GABRA4: variants seen among roughly 807,000 people sequenced by gnomAD.
The protein encoded by GABRA4 is gamma-aminobutyric acid receptor subunit alpha-4.
A neutral mutation model predicts 49.7 loss-of-function variants in GABRA4; 12 were observed. The observed-to-expected ratio is 0.24, with a 90% CI of 0.15 to 0.39. The LOEUF is 0.39. Ranked by LOEUF, GABRA4 falls within the 10% of genes least tolerant of loss-of-function variation. The probability of loss-of-function intolerance (pLI) is 1.00; values close to 1 mark genes in which losing one functional copy is unlikely to be tolerated. For missense variants in GABRA4, 506 were observed against 686.0 expected (o/e 0.74, Z 2.93); for synonymous variants, 288 against 240.2 (o/e 1.20, Z -1.84).
At chr4:46,942,502 G>A (rs1721838868) in intron 8 of GABRA4, among the ~76,000 whole-genome samples, 1 of 151,928 alleles carries the variant, frequency 6.6e-6, no homozygotes, top group Non-Finnish European at 1.5e-5. Flanking sequence ...GTGCACACCT[G>A]TAATCCCAGC....
chr4:46,931,739 A>AC (rs1721443251), intron 8 of GABRA4, among the ~76,000 whole-genome samples: 1 of 152,156 alleles, frequency 6.6e-6, no homozygotes, highest in South Asian at 2.1e-4. Flanking sequence ...TTCTGGAAAC[A>AC]CTGACACCAC....
At chr4:46,939,272 T>C (rs1384211093) in intron 8 of GABRA4, among the ~76,000 whole-genome samples, 1 of 152,066 alleles carries the variant, frequency 6.6e-6, no homozygotes, top group African/African-American at 2.4e-5. Context: ...AATTTTATAA[T>C]GCATTCTATT....
chr4:46,934,718 C>T (rs910048171), intron 8 of GABRA4, among the ~76,000 whole-genome samples: 3 of 152,132 alleles, frequency 2.0e-5, no homozygotes, highest in African/African-American at 4.8e-5. Context: ...ATTAGAATTT[C>T]TTTAAGATAG....
At chr4:46,976,999 G>A (rs1172911132) in intron 5 of GABRA4, 62 bp downstream of exon 5, 4 of 901,890 alleles carry the variant, frequency 4.4e-6, no homozygotes, top group Non-Finnish European at 7.2e-6. Flanking sequence ...TAAAATACAT[G>A]TGTAAATATT....
At chr4:46,973,900 G>A (rs911278747) in intron 6 of GABRA4, among the ~76,000 whole-genome samples, 10 of 151,698 alleles carry the variant, frequency 6.6e-5, no homozygotes, top group African/African-American at 2.2e-4. Context: ...ATCAAAAACC[G>A]AAAGCAGAAA....
intron 2 of GABRA4, among the ~76,000 whole-genome samples, chr4:46,982,231 A>G (rs1392498546): frequency 6.6e-6 from 1 of 152,120 alleles, no homozygotes; most frequent in East Asian, 1.9e-4. Flanking sequence ...CCAAATTCCT[A>G]TGATGAAGTC....
chr4:46,945,346 C>G (rs1721946608), intron 8 of GABRA4, among the ~76,000 whole-genome samples: 1 of 152,078 alleles, frequency 6.6e-6, no homozygotes, highest in South Asian at 2.1e-4. Context: ...TCCTCTTGCC[C>G]TTTGAGGCTA....
chr4:46,967,719 G>A (rs1177416203), intron 7 of GABRA4, among the ~76,000 whole-genome samples: 1 of 151,556 alleles, frequency 6.6e-6, no homozygotes, highest in East Asian at 1.9e-4. Flanking sequence ...ACATTTAAAA[G>A]CCATATTTTA....
rs1560480940 is a variant in GABRA4 at position 46,977,318 on chromosome 4, A to AAGGGAGGGAGGAAGGGAGGGAGGAAGGG, written c.494+91_494+92insCCCTTCCTCCCTCCCTTCCTCCCTCCCT. 3.4e-5 allele frequency: 20 copies of AAGGGAGGGAGGAAGGGAGGGAGGAAGGG among 587,508 alleles called. 1 individual carries two copies. The highest frequency in any genetic ancestry group is 6.9e-5 in the Admixed American group (2 of 29,034). The allele number at this position is 587,508 out of a possible 1,614,324, so 36.4% of individuals were successfully genotyped here. On this transcript the variant is annotated intron_variant, in intron 4 of 8. Coordinates refer to ENST00000264318, the MANE Select transcript of GABRA4 (RefSeq NM_000809.4). ...GAAGGGAGGGAGGAAGGGAGGGAGG[A>AAGGGAGGGAGGAAGGGAGGGAGGAAGGG]AGGGAGGGAGGAAGGAAGGAAGGAA...
intron 7 of GABRA4, among the ~76,000 whole-genome samples, chr4:46,967,208 G>A (rs1439556233): frequency 6.6e-6 from 1 of 151,624 alleles, no homozygotes; most frequent in South Asian, 2.1e-4. Context: ...AATGCTAAAA[G>A]CAGTTAGAAT....
chr4:46,987,465 T>C (rs923916427), intron 2 of GABRA4, among the ~76,000 whole-genome samples: 1 of 152,124 alleles, frequency 6.6e-6, no homozygotes, highest in African/African-American at 2.4e-5. Context: ...GTTACTTATT[T>C]TCTATCTCTT....
chr4:46,938,956 A>C (rs1434926857), intron 8 of GABRA4, among the ~76,000 whole-genome samples: 1 of 152,064 alleles, frequency 6.6e-6, no homozygotes, highest in East Asian at 1.9e-4. Context: ...AAATGGTATA[A>C]AGAAAAATTA....
chr4:46,965,348 A>C, intron 7 of GABRA4, 119 bp from the exon 8 acceptor site: 1 of 774,146 alleles, frequency 1.3e-6, no homozygotes, highest in Non-Finnish European at 1.9e-6. Context: ...AACTACAATA[A>C]CTCAAAGAAA....
chr4:46,933,495 G>A (rs1007381418), intron 8 of GABRA4, among the ~76,000 whole-genome samples: 29 of 152,154 alleles, frequency 1.9e-4, no homozygotes, highest in Admixed American at 9.8e-4. Flanking sequence ...GAATTAGACT[G>A]ATTTGAGGCT....
chr4:46,942,566 TGTGAGCTG>T (rs1721841720), intron 8 of GABRA4, among the ~76,000 whole-genome samples: 1 of 150,732 alleles, frequency 6.6e-6, no homozygotes, highest in Non-Finnish European at 1.5e-5. Context: ...TGGAGTTTGC[TGTGAGCTG>T]AGATTGCACT....
chr4:46,957,873 T>C (rs1722422006), intron 8 of GABRA4, among the ~76,000 whole-genome samples: 1 of 151,988 alleles, frequency 6.6e-6, no homozygotes, highest in African/African-American at 2.4e-5. Context: ...TATAAGTTGT[T>C]AGAATTCAAG....
rs1246523663 is a variant in GABRA4 at position 46,921,067 on chromosome 4, T to A, written c.*7158A>T. ...TTTTCCATTTTGAAGTGGAGATGTTTGTCTCTAGTAAAAGGAAAGGATAAC... is the reference window on the plus strand; with the variant it reads ...TTTTCCATTTTGAAGTGGAGATGTTAGTCTCTAGTAAAAGGAAAGGATAAC... On this transcript the variant is annotated 3_prime_UTR_variant, in exon 9 of 9. Coordinates refer to ENST00000264318, the MANE Select transcript of GABRA4 (RefSeq NM_000809.4). The A allele has an allele frequency of 2.0e-5, 3 of 151,802 alleles. No individual in the cohort carries two copies. The South Asian group carries it at 6.2e-4, about 31-fold the overall frequency. 9.4% of individuals were successfully genotyped at this position (151,802 alleles called of 1,614,324 possible).
At chr4:46,988,941 G>C (rs930740692) in intron 2 of GABRA4, among the ~76,000 whole-genome samples, 5 of 152,184 alleles carry the variant, frequency 3.3e-5, no homozygotes, top group Admixed American at 1.3e-4. Flanking sequence ...TTTTCTAACA[G>C]AATGATGATG....
intron 8 of GABRA4, among the ~76,000 whole-genome samples, chr4:46,959,789 C>CT (rs1207091274): frequency 1.6e-5 from 2 of 124,984 alleles, no homozygotes; most frequent in Non-Finnish European, 3.5e-5. Context: ...AAAGAAAACT[C>CT]TATCAACTCA....
Sources: gnomAD v4.1 joint callset for allele counts (sites outside exome capture counted in the v4.1 genomes callset) on GRCh38, gnomAD v4.1.1 for gene constraint, MANE v1.5 for transcripts, NCBI Gene and HGNC (gene_info 2026-07-23, HGNC 2026-07-21) for gene names.